The following XKR6 variants were observed in gnomAD, a reference collection of about 807,000 sequenced individuals.
The protein encoded by XKR6 is XK-related protein 6.
Under a neutral mutation model 56.7 loss-of-function variants are expected in XKR6, and 22 were observed. The observed-to-expected ratio is 0.39, with a 90% CI of 0.28 to 0.55. The LOEUF is 0.55. XKR6 is among the 20% of genes least tolerant of loss of function. The pLI is 0.66. For synonymous variants in XKR6, 524 were observed against 387.8 expected, an observed-to-expected ratio of 1.35 and a Z score of -4.13; for missense variants, 852 against 889.0, an observed-to-expected ratio of 0.96 and a Z score of 0.53.
At chr8:11,129,008 T>C (rs1799968163) in intron 1 of XKR6, 1 of 456,294 alleles carries the variant, frequency 2.2e-6, no homozygotes, top group Non-Finnish European at 4.4e-6. Context: ...TCTTGTTAAC[T>C]GAGGTGAAAC....
intron 1 of XKR6, among the ~76,000 whole-genome samples, chr8:11,168,066 A>C (rs1802178638): frequency 6.6e-6 from 1 of 152,178 alleles, no homozygotes; most frequent in Non-Finnish European, 1.5e-5. Flanking sequence ...CAAAAAAAGC[A>C]AACCTCGGTG....
rs1262558348 is a variant in XKR6 at position 10,898,180 on chromosome 8, T to C, written c.1698A>G (p.Arg566=). The change falls in exon 3 of 3, where the codon AGA becomes AGG. Residue 566 remains arginine (R), a synonymous_variant. Coordinates refer to ENST00000416569, the MANE Select transcript of XKR6 (RefSeq NM_173683.4). The surrounding 1 kb of genome is among the most constrained non-coding windows in gnomAD (Gnocchi z 6.6). ...ADTCLPVFQV[R]PMGPPTPLGR... is the part of the protein sequence containing the mutation. ...CCAACGGGGTAGGGGGCCCCATGGG[T>C]CTCACTTGGAAAACAGGCAAGCAAG... 1 of 1,613,918 alleles carries C rather than the reference T, an allele frequency of 6.2e-7. No homozygotes were observed. Among genetic ancestry groups the C allele is most frequent in the Admixed American group, 1.7e-5 (1 of 59,996 alleles).
intron 1 of XKR6, among the ~76,000 whole-genome samples, chr8:11,094,360 T>C (rs1305267898): frequency 6.6e-6 from 1 of 152,114 alleles, no homozygotes; most frequent in Non-Finnish European, 1.5e-5. Flanking sequence ...AGCTAATGTT[T>C]TGTATTTTTG....
chr8:11,145,697 A>C (rs1393213375), intron 1 of XKR6, among the ~76,000 whole-genome samples: 1 of 152,200 alleles, frequency 6.6e-6, no homozygotes, highest in Non-Finnish European at 1.5e-5. Flanking sequence ...TGCTAAGAGA[A>C]ATTAAAGATC....
At chr8:11,078,939 T>C (rs1800343709) in intron 1 of XKR6, among the ~76,000 whole-genome samples, 1 of 152,148 alleles carries the variant, frequency 6.6e-6, no homozygotes, top group African/African-American at 2.4e-5. Context: ...CAAACACATC[T>C]TCCAATGGCC....
chr8:10,979,307 G>T (rs543122541), intron 1 of XKR6, among the ~76,000 whole-genome samples: 2 of 151,884 alleles, frequency 1.3e-5, no homozygotes, highest in African/African-American at 4.8e-5. Context: ...TAAGTTAACC[G>T]AATAATGCTC....
At chr8:11,097,945 A>G (rs1161730728) in intron 1 of XKR6, among the ~76,000 whole-genome samples, 3 of 152,106 alleles carry the variant, frequency 2.0e-5, no homozygotes, top group Non-Finnish European at 4.4e-5. Flanking sequence ...CGTGGAAGTC[A>G]AAAATAATCA....
At chr8:10,906,375 T>C (rs1394255253) in intron 2 of XKR6, among the ~76,000 whole-genome samples, 1 of 152,232 alleles carries the variant, frequency 6.6e-6, no homozygotes, top group Admixed American at 6.5e-5. Flanking sequence ...ATTCAGTGCC[T>C]ACTCTACATT....
intron 1 of XKR6, among the ~76,000 whole-genome samples, chr8:11,149,170 G>T (rs991013266): frequency 2.0e-5 from 3 of 152,102 alleles, no homozygotes; most frequent in Non-Finnish European, 4.4e-5. Flanking sequence ...ACTTAAGATG[G>T]GAAAACATTC....
chr8:11,197,624 A>AG (rs1563213820), intron 1 of XKR6, among the ~76,000 whole-genome samples: 1 of 152,236 alleles, frequency 6.6e-6, no homozygotes, highest in African/African-American at 2.4e-5. Flanking sequence ...AGTGGGAGTA[A>AG]GGCATGCATG....
chr8:11,169,506 A>G (rs998977557), intron 1 of XKR6, among the ~76,000 whole-genome samples: 1 of 152,376 alleles, frequency 6.6e-6, no homozygotes, highest in Non-Finnish European at 1.5e-5. Flanking sequence ...CCTTGAAAAC[A>G]TTATGCTAAG....
chr8:11,160,672 G>A (rs1043361861), intron 1 of XKR6, among the ~76,000 whole-genome samples: 1 of 152,122 alleles, frequency 6.6e-6, no homozygotes, highest in African/African-American at 2.4e-5. Context: ...CACTTTGCAA[G>A]GCCAAGGCGG....
chr8:11,024,832 G>A (rs1798825248), intron 1 of XKR6, among the ~76,000 whole-genome samples: 1 of 152,222 alleles, frequency 6.6e-6, no homozygotes, highest in Non-Finnish European at 1.5e-5. Flanking sequence ...TTGGGGCCCT[G>A]GGAACTTCCA....
chr8:11,123,144 G>A (rs1813193579), intron 1 of XKR6, among the ~76,000 whole-genome samples: 1 of 151,568 alleles, frequency 6.6e-6, no homozygotes, highest in African/African-American at 2.4e-5. Context: ...GGCTGAGGCA[G>A]GAGAATGGCT....
At chr8:11,178,545 A>AATATATATATATATATATATATATGT (rs1332661026) in intron 1 of XKR6, among the ~76,000 whole-genome samples, 2 of 78,990 alleles carry the variant, frequency 2.5e-5, no homozygotes, top group Non-Finnish European at 7.6e-5. Flanking sequence ...CTGAGAGGTA[A>AATATATATATATATATATATATATGT]AAATATATAT....
intron 1 of XKR6, among the ~76,000 whole-genome samples, chr8:10,977,494 A>G (rs1425164383): frequency 6.6e-6 from 1 of 151,826 alleles, no homozygotes; most frequent in East Asian, 1.9e-4. Context: ...GGATGAGACT[A>G]AATTACAACC....
At chr8:11,199,493 C>G (rs1335150302) in intron 1 of XKR6, among the ~76,000 whole-genome samples, 1 of 152,220 alleles carries the variant, frequency 6.6e-6, no homozygotes, top group South Asian at 2.1e-4. Context: ...TGTCTTCTCA[C>G]AGAAGCCATG....
At chr8:11,146,446 C>T (rs1586613228) in intron 1 of XKR6, among the ~76,000 whole-genome samples, 2 of 152,098 alleles carry the variant, frequency 1.3e-5, no homozygotes, top group South Asian at 2.1e-4. Flanking sequence ...GGCAACACGG[C>T]GAAACGCCAT....
At chr8:10,984,131 G>A (rs1184448573) in intron 1 of XKR6, among the ~76,000 whole-genome samples, 1 of 152,120 alleles carries the variant, frequency 6.6e-6, no homozygotes, top group East Asian at 1.9e-4. Context: ...AACGAGGCAT[G>A]TATTGCACAA....
Sources: allele counts gnomAD v4.1 joint callset (sites outside exome capture counted in the v4.1 genomes callset), GRCh38; gene constraint gnomAD v4.1.1; non-coding constraint Gnocchi (gnomAD v3.1); transcripts MANE v1.5; gene names NCBI Gene and HGNC (gene_info 2026-07-23, HGNC 2026-07-21).